Variants in CRACDL observed in about 807,000 individuals in gnomAD.
CRACDL encodes the protein CRACD-like protein.
In CRACDL, 26 loss-of-function variants were observed where a neutral mutation model predicts 70.6. That is an observed-to-expected ratio of 0.37 (90% CI 0.27 to 0.51). The LOEUF (loss-of-function observed/expected upper bound fraction) is 0.51, where lower values mean the gene tolerates loss of function less well. Among genes scored for constraint, CRACDL ranks in the 20% least tolerant of loss-of-function variants. CRACDL has a pLI of 0.94. For synonymous variants in CRACDL, 618 were observed against 615.2 expected, an observed-to-expected ratio of 1.00 and a Z score of -0.07; for missense variants, 1,283 against 1,376.9, an observed-to-expected ratio of 0.93 and a Z score of 1.08.
intron 1 of CRACDL, among the ~76,000 whole-genome samples, chr2:98,884,611 T>G (rs1707754314): frequency 6.6e-6 from 1 of 152,168 alleles, no homozygotes; most frequent in Admixed American, 6.5e-5. Context: ...TGCAATGGTA[T>G]TAGGAGGTGG....
intron 2 of CRACDL, among the ~76,000 whole-genome samples, chr2:98,843,942 G>A (rs1162306738): frequency 6.6e-6 from 1 of 151,770 alleles, no homozygotes; most frequent in African/African-American, 2.4e-5. Flanking sequence ...CCTCCTCCCT[G>A]TTTCTGATGG....
At chr2:98,873,991 G>A (rs1452621920) in intron 1 of CRACDL, among the ~76,000 whole-genome samples, 1 of 152,224 alleles carries the variant, frequency 6.6e-6, no homozygotes, top group Non-Finnish European at 1.5e-5. Context: ...GGGTGACTGA[G>A]TGAGACTCTG....
chr2:98,842,096 T>C (rs1258322052), intron 2 of CRACDL, among the ~76,000 whole-genome samples: 1 of 152,082 alleles, frequency 6.6e-6, no homozygotes, highest in African/African-American at 2.4e-5. Context: ...ATCTTTTTGA[T>C]AAAATCCAGA....
At chr2:98,925,934 T>A (rs930177986) in intron 1 of CRACDL, among the ~76,000 whole-genome samples, 3 of 151,944 alleles carry the variant, frequency 2.0e-5, no homozygotes, top group African/African-American at 7.3e-5. Context: ...CAATATGGGG[T>A]GGGCAGGAGG....
intron 1 of CRACDL, among the ~76,000 whole-genome samples, chr2:98,922,483 TAA>T (rs1425282934): frequency 6.6e-6 from 1 of 150,474 alleles, no homozygotes; most frequent in Non-Finnish European, 1.5e-5. Context: ...GAAAAGAAAT[TAA>T]AACACTTTCA....
chr2:98,850,268 G>A (rs11900524), intron 1 of CRACDL, among the ~76,000 whole-genome samples: 54,948 of 152,084 alleles, frequency 0.36, 10,376 homozygotes, highest in African/African-American at 0.47. Flanking sequence ...ATGTCTGTCC[G>A]GAGTCCGCAG....
intron 7 of CRACDL, among the ~76,000 whole-genome samples, chr2:98,798,321 G>A (rs1703920286): frequency 6.6e-6 from 1 of 152,038 alleles, no homozygotes; most frequent in South Asian, 2.1e-4. Flanking sequence ...CTCCAGCCTG[G>A]ACAAGAGTGA....
chr2:98,885,919 TA>T (rs5832860), intron 1 of CRACDL, among the ~76,000 whole-genome samples: 68,353 of 147,114 alleles, frequency 0.46, 15,985 homozygotes, highest in African/African-American at 0.57. Flanking sequence ...GAAAACTGGT[TA>T]AAAAAAAAAA....
chr2:98,875,730 T>C (rs72813009), intron 1 of CRACDL, among the ~76,000 whole-genome samples: 5,651 of 152,176 alleles, frequency 0.037, 136 homozygotes, highest in Middle Eastern at 0.065. Context: ...ACTAAGAAAA[T>C]AGGCTTCAGC....
intron 1 of CRACDL, among the ~76,000 whole-genome samples, chr2:98,911,653 C>T (rs1708550701): frequency 6.6e-6 from 1 of 152,190 alleles, no homozygotes; most frequent in Non-Finnish European, 1.5e-5. Context: ...GGCCCCTTAT[C>T]AATGCTCTGC....
At position 98,877,949 on chromosome 2, in the gene CRACDL, C is replaced by CTTT. The variant is rs35403434; in HGVS notation, c.-10-31142_-10-31140dup. Among the ~76,000 whole-genome samples the CTTT allele has an allele frequency of 5.1e-5, 7 of 138,442 alleles. No homozygotes were observed. In the East Asian group the frequency reaches 1.1e-3, roughly 21 times the overall value. The allele number at this position is 138,442 out of a possible 152,430, so 90.8% of individuals were successfully genotyped here. On this transcript the variant is annotated intron_variant, in intron 1 of 9. Transcript: ENST00000397899. ...ACTATAATGTTGTACCATTTTTAATCTTTTTTTTTTTTTTTGAGATGGAGT... is the reference window on the plus strand; with the variant it reads ...ACTATAATGTTGTACCATTTTTAATCTTTTTTTTTTTTTTTTTTGAGATGGAGT...
Position 98,832,982 on chromosome 2 carries a change from C to T in CRACDL, c.255G>A (p.Thr85=), listed in dbSNP as rs373720213. 7.8e-5 allele frequency: 126 copies of T among 1,613,014 alleles called. No homozygotes were observed. The African/African-American group carries it at 1.5e-3, about 19-fold the overall frequency. The change falls in exon 4 of 10, where the codon ACG becomes ACA. Residue 85 remains threonine, a synonymous_variant. Transcript: ENST00000397899. Reference sequence around the variant, plus strand: ...CGTGAGAAAGGGCCCGGCTGCCCAGCGTGCCCCTCGACTCCCTAGGATAAA... The same window carrying T: ...CGTGAGAAAGGGCCCGGCTGCCCAGTGTGCCCCTCGACTCCCTAGGATAAA... ...SEDELEESRG[T]LGSRALSHDS...
intron 7 of CRACDL, among the ~76,000 whole-genome samples, chr2:98,817,703 T>C (rs567446274): frequency 6.6e-6 from 1 of 152,292 alleles, no homozygotes; most frequent in South Asian, 2.1e-4. Flanking sequence ...CATTAAATAT[T>C]TGTTGAAAAA....
At chr2:98,841,693 T>G (rs1446485443) in intron 2 of CRACDL, among the ~76,000 whole-genome samples, 1 of 152,152 alleles carries the variant, frequency 6.6e-6, no homozygotes, top group Non-Finnish European at 1.5e-5. Context: ...CAGTTTTTGT[T>G]TGTCCGAAAA....
At chr2:98,853,026 G>GGGAAA (rs1706546599) in intron 1 of CRACDL, among the ~76,000 whole-genome samples, 1 of 127,740 alleles carries the variant, frequency 7.8e-6, no homozygotes, top group Non-Finnish European at 1.6e-5. Flanking sequence ...GGGAAGGGAA[G>GGGAAA]GGAAAGGGAA....
chr2:98,918,766 C>A (rs1458811671), intron 1 of CRACDL, among the ~76,000 whole-genome samples: 1 of 151,998 alleles, frequency 6.6e-6, no homozygotes, highest in Non-Finnish European at 1.5e-5. Context: ...ATGTCCTTTG[C>A]CCATGTTTTA....
Position 98,838,108 on chromosome 2 carries a change from A to T in CRACDL, c.239+11T>A. ...GTGCTCCTGGCCCGAGGGATGTAAA[A>T]TGCAACTTACTCCAGCTCATCCTCG... On this transcript the variant is annotated intron_variant, in intron 3 of 9. Coordinates refer to ENST00000397899, the MANE Select transcript of CRACDL (RefSeq NM_207362.3). 6.3e-7 allele frequency: 1 copy of T among 1,591,848 alleles called. No homozygotes were observed. Among genetic ancestry groups the T allele is most frequent in the Non-Finnish European group, 8.5e-7 (1 of 1,170,814 alleles).
intron 1 of CRACDL, among the ~76,000 whole-genome samples, chr2:98,872,873 G>A (rs1162680176): frequency 2.0e-5 from 3 of 152,198 alleles, no homozygotes; most frequent in East Asian, 1.9e-4. Context: ...GTGAACTGAC[G>A]TTATCTGTGG....
chr2:98,881,352 T>C (rs1309217166), intron 1 of CRACDL, among the ~76,000 whole-genome samples: 4 of 152,184 alleles, frequency 2.6e-5, no homozygotes, highest in Non-Finnish European at 5.9e-5. Context: ...GGAATCTGAA[T>C]CTGCACTTCA....
Sources: gnomAD v4.1 joint callset for allele counts (sites outside exome capture counted in the v4.1 genomes callset) on GRCh38, gnomAD v4.1.1 for gene constraint, MANE v1.5 for transcripts, NCBI Gene and HGNC (gene_info 2026-07-23, HGNC 2026-07-21) for gene names.